The following CTCF variants were observed in gnomAD, a reference collection of about 807,000 sequenced individuals.
The protein encoded by CTCF is CCCTC-binding factor, also known as transcriptional repressor CTCF.
Under a neutral mutation model 72.3 loss-of-function variants are expected in CTCF, and 7 were observed. The ratio of observed to expected loss-of-function variants is 0.10; its 90% CI spans 0.06 to 0.18. The LOEUF (loss-of-function observed/expected upper bound fraction) is 0.18, where lower values mean the gene tolerates loss of function less well. Ranked by LOEUF, CTCF falls within the 10% of genes least tolerant of loss-of-function variation. The pLI is 1.00. For synonymous variants in CTCF, 374 were observed against 315.8 expected, an observed-to-expected ratio of 1.18 and a Z score of -1.95; for missense variants, 516 against 949.1, an observed-to-expected ratio of 0.54 and a Z score of 6.00.
At chr16:67,621,937 C>G (rs1214705118) in intron 7 of CTCF, among the ~76,000 whole-genome samples, 3 of 151,968 alleles carry the variant, frequency 2.0e-5, no homozygotes, top group Non-Finnish European at 1.5e-5. Context: ...TCAGGTCATT[C>G]TATTGTATTT....
chr16:67,574,496 C>T (rs1451474669), intron 2 of CTCF, among the ~76,000 whole-genome samples: 3 of 151,698 alleles, frequency 2.0e-5, no homozygotes, highest in Admixed American at 1.3e-4. Flanking sequence ...CGTTCACCCC[C>T]ACGCCTGGCT....
chr16:67,565,911 T>TA (rs1343549722), intron 1 of CTCF, among the ~76,000 whole-genome samples: 1 of 152,162 alleles, frequency 6.6e-6, no homozygotes, highest in Non-Finnish European at 1.5e-5. Flanking sequence ...TGGGGAGGAA[T>TA]CCTGGGCAGA....
chr16:67,616,039 A>G (rs1175516525), intron 4 of CTCF: 1 of 152,218 alleles, frequency 6.6e-6, no homozygotes, highest in East Asian at 1.9e-4. Flanking sequence ...TTTTGTCTCT[A>G]AGATTCCTTC....
intron 2 of CTCF, among the ~76,000 whole-genome samples, chr16:67,579,603 C>T (rs1341422111): frequency 6.6e-6 from 1 of 152,142 alleles, no homozygotes; most frequent in Non-Finnish European, 1.5e-5. Context: ...AGGTGATCCA[C>T]CTGCCTCGGC....
At chr16:67,574,644 A>ATTGT in intron 2 of CTCF, among the ~76,000 whole-genome samples, 2 of 147,900 alleles carry the variant, frequency 1.4e-5, no homozygotes, top group African/African-American at 5.0e-5. Flanking sequence ...GCCCAGCCAA[A>ATTGT]AGCATCTTTT....
Position 67,599,134 on chromosome 16 carries a change from C to T in CTCF, c.-9-11690C>T, listed in dbSNP as rs533677223. On this transcript the variant is annotated intron_variant, in intron 2 of 11. Transcript: ENST00000264010. ...TGAAGCGGCCGAATGTGGTGGCTCA[C>T]GCCTGTAATCCCAGCACTTTGGGAG... Among the ~76,000 whole-genome samples the T allele has an allele frequency of 5.9e-5, 9 of 152,304 alleles. No individual in the cohort carries two copies. The South Asian group carries it at 1.4e-3, about 25-fold the overall frequency.
At chr16:67,609,530 A>G (rs1329506531) in intron 2 of CTCF, among the ~76,000 whole-genome samples, 3 of 152,072 alleles carry the variant, frequency 2.0e-5, no homozygotes, top group Non-Finnish European at 4.4e-5. Context: ...AAGAAGATTC[A>G]TGCATTGTGA....
intron 2 of CTCF, 114 bp downstream of exon 2, chr16:67,571,378 T>C (rs1017434338): frequency 2.0e-5 from 3 of 152,494 alleles, no homozygotes; most frequent in Admixed American, 6.6e-5. Flanking sequence ...TATCAGGTGA[T>C]TGAGAGCATA....
chr16:67,562,577 A>G lies in CTCF; in HGVS notation c.-274A>G, dbSNP rs2051287193. 6.6e-6 allele frequency: 1 copy of G among 151,524 alleles called. No individual in the cohort carries two copies. Among genetic ancestry groups the G allele is most frequent in the Non-Finnish European group, 1.5e-5 (1 of 67,970 alleles). The allele number at this position is 151,524 out of a possible 1,614,324, so 9.4% of individuals were successfully genotyped here. A position where few individuals can be genotyped will look rare whatever the true frequency, so the allele number is the denominator to read the frequency against. On this transcript the variant is annotated 5_prime_UTR_variant, in exon 1 of 12. Transcript: ENST00000264010. The stretch of plus-strand genomic sequence containing the variant: ...CGCCATTTTGTGTCTGAGCCTGTGG[A>G]GCGATTAAACCGTGCGCGGAGCTGC...
intron 10 of CTCF, among the ~76,000 whole-genome samples, chr16:67,633,812 A>G (rs1425988706): frequency 1.3e-5 from 2 of 151,168 alleles, no homozygotes; most frequent in African/African-American, 2.4e-5. Flanking sequence ...ACACACACAC[A>G]CACTCTCACT....
chr16:67,607,913 G>A lies in CTCF; in HGVS notation c.-9-2911G>A, dbSNP rs62059334. On this transcript the variant is annotated intron_variant, in intron 2 of 11. Transcript: ENST00000264010. ...GGGCACCTGTAATCCCAACTACTCC[G>A]GAGGCTGAAGCAGGAGAATCACTTA... Among the ~76,000 whole-genome samples the A allele has an allele frequency of 5.2e-3, 779 of 150,788 alleles. 5 individuals are homozygous for A. Among genetic ancestry groups the A allele is most frequent in the Non-Finnish European group, 7.7e-3 (521 of 67,902 alleles).
At chr16:67,624,089 G>GTGTGTA (rs1449276555) in intron 7 of CTCF, among the ~76,000 whole-genome samples, 1 of 125,436 alleles carries the variant, frequency 8.0e-6, no homozygotes, top group Non-Finnish European at 1.7e-5. Context: ...GTGTGTGTGT[G>GTGTGTA]TGTGTGTGTG....
intron 2 of CTCF, among the ~76,000 whole-genome samples, chr16:67,587,020 T>G (rs1475192272): frequency 6.6e-6 from 1 of 152,060 alleles, no homozygotes; most frequent in Non-Finnish European, 1.5e-5. Flanking sequence ...GTCCCATCTC[T>G]TGGGTTTATA....
In CTCF at chr16:67,637,604, C is replaced by T. The variant is rs2052448236; in HGVS notation, c.2000-84C>T. ...TAAGGCTGTCCTGCATTGCTGACAT[C>T]CCGTTCGCTGTCAGTCTAAAAGACC... is the stretch of plus-strand genomic sequence containing the variant. On this transcript the variant is annotated intron_variant, in intron 11 of 11. Transcript: ENST00000264010. The T allele has an allele frequency of 3.5e-6, 4 of 1,143,080 alleles. No homozygotes were observed. In the South Asian group the frequency reaches 5.9e-5, roughly 17 times the overall value. The allele number at this position is 1,143,080 out of a possible 1,614,324, so 70.8% of individuals were successfully genotyped here.
chr16:67,592,730 A>G (rs1043390603), intron 2 of CTCF, among the ~76,000 whole-genome samples: 4 of 150,388 alleles, frequency 2.7e-5, no homozygotes, highest in Non-Finnish European at 5.9e-5. Context: ...AAAAAAAGAT[A>G]CTTACAGAGG....
intron 4 of CTCF, among the ~76,000 whole-genome samples, chr16:67,613,968 A>C (rs1342478062): frequency 6.6e-6 from 1 of 152,152 alleles, no homozygotes; most frequent in Non-Finnish European, 1.5e-5. Flanking sequence ...ATACACCAAG[A>C]GTATCAGTTT....
At chr16:67,573,267 C>A (rs2051449376) in intron 2 of CTCF, among the ~76,000 whole-genome samples, 1 of 149,614 alleles carries the variant, frequency 6.7e-6, no homozygotes, top group Non-Finnish European at 1.5e-5. Context: ...CAAAAAAAAC[C>A]CCAAGAAGAC....
chr16:67,594,161 C>T (rs1160916661), intron 2 of CTCF, among the ~76,000 whole-genome samples: 1 of 152,034 alleles, frequency 6.6e-6, no homozygotes, highest in Non-Finnish European at 1.5e-5. Context: ...GTAATCCCAG[C>T]ACTTTGGGAG....
intron 2 of CTCF, among the ~76,000 whole-genome samples, chr16:67,595,730 A>G (rs1047805808): frequency 1.3e-5 from 2 of 152,184 alleles, no homozygotes; most frequent in African/African-American, 2.4e-5. Context: ...TAGAAAAACC[A>G]GAATTGGGAT....
Sources: gnomAD v4.1 joint callset for allele counts (sites outside exome capture counted in the v4.1 genomes callset) on GRCh38, gnomAD v4.1.1 for gene constraint, MANE v1.5 for transcripts, NCBI Gene and HGNC (gene_info 2026-07-23, HGNC 2026-07-21) for gene names.